SYT7: variants seen among roughly 807,000 people sequenced by gnomAD.
SYT7 encodes the protein synaptotagmin 7, also known as synaptotagmin-7.
SYT7 carries 29 observed loss-of-function variants against 75.1 expected under a neutral mutation model. The ratio of observed to expected loss-of-function variants is 0.39; its 90% CI spans 0.29 to 0.53. The LOEUF (loss-of-function observed/expected upper bound fraction) is 0.53, where lower values mean the gene tolerates loss of function less well. SYT7 is among the 20% of genes least tolerant of loss of function. The probability of loss-of-function intolerance (pLI) is 0.77; values close to 1 mark genes in which losing one functional copy is unlikely to be tolerated. For synonymous variants in SYT7, 376 were observed against 401.7 expected (o/e 0.94, Z 0.76); for missense variants, 693 against 953.2 (o/e 0.73, Z 3.59).
intron 1 of SYT7, among the ~76,000 whole-genome samples, chr11:61,577,907 C>T (rs972010904): frequency 1.3e-5 from 2 of 152,200 alleles, no homozygotes; most frequent in East Asian, 3.9e-4. Context: ...TCCTGCCTGC[C>T]CACTGCAACG....
chr11:61,579,299 C>T (rs144693578), intron 1 of SYT7, among the ~76,000 whole-genome samples: 1,524 of 152,338 alleles, frequency 0.01, 21 homozygotes, highest in African/African-American at 0.034. Flanking sequence ...GGGCTGGAAG[C>T]CGGCGGCCTC....
chr11:61,547,667 A>C, intron 3 of SYT7, among the ~76,000 whole-genome samples: 1 of 142,604 alleles, frequency 7.0e-6, no homozygotes. Flanking sequence ...AGAGGGGAGA[A>C]GGGTTGGGGA....
At chr11:61,571,547 G>A (rs1177238916) in intron 1 of SYT7, among the ~76,000 whole-genome samples, 1 of 152,200 alleles carries the variant, frequency 6.6e-6, no homozygotes, top group Non-Finnish European at 1.5e-5. Context: ...CTTCCTTCTA[G>A]TGCCTGGGTG....
chr11:61,584,690 C>A (rs1297770911), upstream of SYT7, among the ~76,000 whole-genome samples: 1 of 152,188 alleles, frequency 6.6e-6, no homozygotes, highest in African/African-American at 2.4e-5. Flanking sequence ...GCGCCAGAAT[C>A]CAATCCCAAT....
Position 61,572,119 on chromosome 11 carries a change from G to A in SYT7, c.31+8671C>T, listed in dbSNP as rs530325010. Among the ~76,000 whole-genome samples the A allele has an allele frequency of 1.3e-3, 203 of 151,164 alleles. 1 individual carries two copies. Among genetic ancestry groups the A allele is most frequent in the African/African-American group, 4.4e-3 (184 of 41,454 alleles). ...GCTGGAGAGGGAGGAATGAGGTTGG[G>A]GGGGGGGCACACAGACAATTCATCA... On this transcript the variant is annotated intron_variant, in intron 1 of 12. Transcript: ENST00000539008.
In SYT7 at chr11:61,551,266, CGGGGTGTG is replaced by C; in HGVS notation, c.215+110_215+117del. On this transcript the variant is annotated intron_variant, in intron 3 of 12. Coordinates refer to ENST00000539008, the MANE Select transcript of SYT7 (RefSeq NM_001365809.2). This position sits in a 1 kb window ranked among gnomAD's most constrained non-coding sequence, Gnocchi z 5.3. ...GTGGAGGGTGTAGAGAGCATGGCAT[CGGGGTGTG>C]GGGGAAGTGAAAGTGTGTGGTCAGG... 2.1e-6 allele frequency: 2 copies of C among 958,540 alleles called. No homozygotes were observed. Among genetic ancestry groups the C allele is most frequent in the Non-Finnish European group, 3.2e-6 (2 of 621,230 alleles). 59.4% of individuals were successfully genotyped at this position (958,540 alleles called of 1,614,324 possible). A position where few individuals can be genotyped will look rare whatever the true frequency, so the allele number is the denominator to read the frequency against.
At chr11:61,588,352 G>A in the SYT7 span, 1 of 152,396 alleles carries the variant, frequency 6.6e-6, no homozygotes, top group South Asian at 2.1e-4. Context: ...AGTCACAGAA[G>A]TCCCGTTGTG....
chr11:61,555,447 G>A (rs2063471579), intron 2 of SYT7, among the ~76,000 whole-genome samples: 1 of 152,196 alleles, frequency 6.6e-6, no homozygotes, highest in African/African-American at 2.4e-5. Context: ...GATGCGGGGC[G>A]GGCGGCTCAG....
Position 61,551,562 on chromosome 11 carries a change from C to A in SYT7, c.136-99G>T, listed in dbSNP as rs2063351469. The A allele has an allele frequency of 8.0e-7, 1 of 1,253,216 alleles. No individual in the cohort carries two copies. Among genetic ancestry groups the A allele is most frequent in the South Asian group, 1.3e-5 (1 of 78,952 alleles). 77.6% of individuals were successfully genotyped at this position (1,253,216 alleles called of 1,614,324 possible). On this transcript the variant is annotated intron_variant, in intron 2 of 12. Coordinates refer to ENST00000539008, the MANE Select transcript of SYT7 (RefSeq NM_001365809.2). The surrounding 1 kb of genome is among the most constrained non-coding windows in gnomAD (Gnocchi z 5.3). ...GGAGGGGAAGGAGATAGACTGGAGTCGGGCCGTGGCAACAAGGCCAGGACC... is the reference window on the plus strand; with the variant it reads ...GGAGGGGAAGGAGATAGACTGGAGTAGGGCCGTGGCAACAAGGCCAGGACC...
chr11:61,565,880 G>A (rs2063753200), intron 1 of SYT7, among the ~76,000 whole-genome samples: 1 of 152,302 alleles, frequency 6.6e-6, no homozygotes, highest in Non-Finnish European at 1.5e-5. Flanking sequence ...GATAATGTGT[G>A]AGTGAGCTAG....
chr11:61,520,861 G>A (rs2062306393), intron 12 of SYT7, among the ~76,000 whole-genome samples: 1 of 152,236 alleles, frequency 6.6e-6, no homozygotes. Flanking sequence ...AAAAGGATGG[G>A]GAGCAAGCTC....
At position 61,542,029 on chromosome 11, in the gene SYT7, C is replaced by T. The variant is rs1718552604; in HGVS notation, c.941+182G>A. Among the ~76,000 whole-genome samples the T allele has an allele frequency of 1.3e-5, 2 of 152,086 alleles. No homozygotes were observed. The highest frequency in any genetic ancestry group is 2.9e-5 in the Non-Finnish European group (2 of 67,996). On this transcript the variant is annotated intron_variant, in intron 6 of 12. Transcript: ENST00000539008. This position sits in a 1 kb window ranked among gnomAD's most constrained non-coding sequence, Gnocchi z 7.8. ...ATAGGGAGGTGGCTGAGAATTCTTC[C>T]GTGGTGGCCTTCAGGCAGGAGCCAC... is the stretch of plus-strand genomic sequence containing the variant.
chr11:61,564,217 T>C (rs1467559830), intron 1 of SYT7, among the ~76,000 whole-genome samples: 1 of 152,196 alleles, frequency 6.6e-6, no homozygotes, highest in Non-Finnish European at 1.5e-5. Flanking sequence ...CTATAGGCTC[T>C]TTCCCCCAGA....
At chr11:61,575,764 T>C (rs890022918) in intron 1 of SYT7, among the ~76,000 whole-genome samples, 1 of 152,108 alleles carries the variant, frequency 6.6e-6, no homozygotes, top group Non-Finnish European at 1.5e-5. Flanking sequence ...TCGCTACAAA[T>C]ACACTCATTA....
chr11:61,538,042 G>T, intron 7 of SYT7, 102 bp downstream of exon 7: 1 of 1,471,614 alleles, frequency 6.8e-7, no homozygotes, highest in Non-Finnish European at 9.1e-7. Context: ...TCCGCTGAAG[G>T]CACCACCACC....
intron 3 of SYT7, among the ~76,000 whole-genome samples, chr11:61,548,612 C>T (rs1292863529): frequency 6.6e-6 from 1 of 152,130 alleles, no homozygotes; most frequent in Non-Finnish European, 1.5e-5. Context: ...AAGACTGAGG[C>T]TGTGCCGCTC....
chr11:61,546,677 C>T lies in SYT7; in HGVS notation c.348-422G>A. 2.2e-6 allele frequency: 1 copy of T among 461,962 alleles called. No individual in the cohort carries two copies. Among genetic ancestry groups the T allele is most frequent in the South Asian group, 1.5e-5 (1 of 64,578 alleles). 28.6% of individuals were successfully genotyped at this position (461,962 alleles called of 1,614,324 possible). A position where few individuals can be genotyped will look rare whatever the true frequency, so the allele number is the denominator to read the frequency against. ...AGAGCGGGCTGTCCAGGCCAGGAGG[C>T]CCCAAGGCAGGGAGAAAGAGAAAGC... On this transcript the variant is annotated intron_variant, in intron 4 of 12. Transcript: ENST00000539008. This position sits in a 1 kb window ranked among gnomAD's most constrained non-coding sequence, Gnocchi z 7.6.
chr11:61,552,102 C>G (rs1187219087), intron 2 of SYT7, among the ~76,000 whole-genome samples: 1 of 152,088 alleles, frequency 6.6e-6, no homozygotes, highest in South Asian at 2.1e-4. Flanking sequence ...CCCCTGCCCC[C>G]CAGAGTCCCT....
chr11:61,577,169 G>A (rs1274745317), intron 1 of SYT7, among the ~76,000 whole-genome samples: 3 of 152,192 alleles, frequency 2.0e-5, no homozygotes, highest in Non-Finnish European at 2.9e-5. Flanking sequence ...TGTCTCCATG[G>A]TAACACAACA....
Sources: gnomAD v4.1 joint callset for allele counts (sites outside exome capture counted in the v4.1 genomes callset) on GRCh38, gnomAD v4.1.1 for gene constraint, Gnocchi (gnomAD v3.1) non-coding constraint, MANE v1.5 for transcripts, NCBI Gene and HGNC (gene_info 2026-07-23, HGNC 2026-07-21) for gene names.